Variants in GPHN observed in about 807,000 individuals in gnomAD.
GPHN encodes the protein gephyrin.
GPHN carries 17 observed loss-of-function variants against 95.5 expected under a neutral mutation model. The observed-to-expected ratio is 0.18, with a 90% CI of 0.12 to 0.27. The LOEUF is 0.27. GPHN is among the 10% of genes least tolerant of loss of function. GPHN has a pLI of 1.00. For synonymous variants in GPHN, 320 were observed against 322.5 expected (o/e 0.99, Z 0.08); for missense variants, 660 against 978.1 (o/e 0.67, Z 4.34).
At chr14:67,648,326 C>T in the GPHN span, 2 of 888,386 alleles carry the variant, frequency 2.3e-6, no homozygotes, top group Non-Finnish European at 3.3e-6. Context: ...AATTATATGG[C>T]CATGCTAATA....
the GPHN span, chr14:67,691,263 G>A: frequency 5.0e-6 from 8 of 1,587,026 alleles, no homozygotes; most frequent in Non-Finnish European, 6.9e-6. Flanking sequence ...ACAAGACGAT[G>A]GAGCGTGGAA....
chr14:67,264,246 A>G, the GPHN span, among the ~76,000 whole-genome samples: 113 of 152,350 alleles, frequency 7.4e-4, 1 homozygote, highest in Admixed American at 6.9e-3. Context: ...TGACAGTGGT[A>G]TTTAAATTTG....
chr14:67,641,679 C>G, the GPHN span, among the ~76,000 whole-genome samples: 1 of 152,160 alleles, frequency 6.6e-6, no homozygotes, highest in African/African-American at 2.4e-5. Context: ...GTGGCTCATG[C>G]CCATAATCCC....
At chr14:67,388,081 T>C in the GPHN span, 1 of 596,012 alleles carries the variant, frequency 1.7e-6, no homozygotes, top group Non-Finnish European at 3.0e-6. Context: ...AATTCTGAAA[T>C]TCACTTCAAA....
At chr14:67,576,275 A>G in the GPHN span, 6 of 640,168 alleles carry the variant, frequency 9.4e-6, no homozygotes, top group Non-Finnish European at 1.6e-5. The surrounding 1 kb of genome is among the most constrained non-coding windows in gnomAD (Gnocchi z 4.0). Flanking sequence ...GCCCTGACTC[A>G]TGCCAACCAA....
chr14:67,134,953 C>CTTCTTTTTTTTTTTTTTT (rs573340363), intron 17 of GPHN, among the ~76,000 whole-genome samples: 7 of 45,252 alleles, frequency 1.5e-4, no homozygotes, highest in Non-Finnish European at 2.5e-4. Flanking sequence ...TTTCTTTCTT[C>CTTCTTTTTTTTTTTTTTT]TTTTTTTTTT....
intron 1 of GPHN, among the ~76,000 whole-genome samples, chr14:66,541,174 CT>C (rs2059340866): frequency 1.3e-5 from 2 of 152,284 alleles, no homozygotes; most frequent in Admixed American, 1.3e-4. Flanking sequence ...TCTTGAATTC[CT>C]GGCTTCAAGC....
At chr14:67,513,868 G>T in the GPHN span, among the ~76,000 whole-genome samples, 1 of 152,162 alleles carries the variant, frequency 6.6e-6, no homozygotes, top group Non-Finnish European at 1.5e-5. Context: ...AGAACTGAAG[G>T]CACCTTGTTC....
At chr14:66,795,651 C>T (rs1192862361) in intron 3 of GPHN, among the ~76,000 whole-genome samples, 7 of 151,946 alleles carry the variant, frequency 4.6e-5, no homozygotes, top group Admixed American at 3.9e-4. Flanking sequence ...ATAATAATCA[C>T]TTTTACCATT....
At chr14:66,699,220 G>A (rs1472127740) in intron 2 of GPHN, among the ~76,000 whole-genome samples, 3 of 152,118 alleles carry the variant, frequency 2.0e-5, no homozygotes, top group Non-Finnish European at 2.9e-5. Context: ...AGTCTTAAAA[G>A]GGATAGCATT....
intron 1 of GPHN, among the ~76,000 whole-genome samples, chr14:66,556,414 G>A (rs1289344488): frequency 1.3e-5 from 2 of 152,104 alleles, no homozygotes; most frequent in Non-Finnish European, 2.9e-5. Flanking sequence ...AAGAGATGTC[G>A]TTAATGGTTT....
At chr14:67,213,321 C>A in the GPHN span, among the ~76,000 whole-genome samples, 1 of 115,016 alleles carries the variant, frequency 8.7e-6, no homozygotes, top group Admixed American at 1.0e-4. Flanking sequence ...CCCCTCCCCC[C>A]ACCCCACAAC....
At chr14:67,426,995 G>T in the GPHN span, among the ~76,000 whole-genome samples, 2 of 152,130 alleles carry the variant, frequency 1.3e-5, no homozygotes, top group East Asian at 3.9e-4. Context: ...TCTTCCCTCT[G>T]CCCACTGGGA....
rs868592649 is a variant in GPHN at position 66,621,351 on chromosome 14, G to A, written c.65-59756G>A. The stretch of plus-strand genomic sequence containing the variant: ...AGGATGGTCTCTATCTCCTGACCTC[G>A]TGATCCACCTGCCTCGGCCTCCCAA... On this transcript the variant is annotated intron_variant, in intron 1 of 22. Coordinates refer to ENST00000478722, the MANE Select transcript of GPHN (RefSeq NM_020806.5). Among the ~76,000 whole-genome samples, 15 of 148,752 alleles carry A rather than the reference G, an allele frequency of 1.0e-4. 1 individual carries two copies. Among genetic ancestry groups the A allele is most frequent in the Middle Eastern group, 7.4e-3 (2 of 272 alleles).
intron 5 of GPHN, among the ~76,000 whole-genome samples, chr14:66,881,879 T>C (rs2063945036): frequency 6.6e-6 from 1 of 151,850 alleles, no homozygotes; most frequent in Admixed American, 6.6e-5. Context: ...TGGGAGCACC[T>C]TCTGGCTTTT....
intron 18 of GPHN, among the ~76,000 whole-genome samples, chr14:67,149,978 A>G (rs548968390): frequency 6.6e-6 from 1 of 152,294 alleles, no homozygotes; most frequent in African/African-American, 2.4e-5. Context: ...TAAAAAGCTA[A>G]TAACTTAAAA....
the GPHN span, among the ~76,000 whole-genome samples, chr14:67,227,226 G>T: frequency 6.6e-6 from 1 of 151,992 alleles, no homozygotes; most frequent in Non-Finnish European, 1.5e-5. Flanking sequence ...TGGATCACGA[G>T]GTCAGGAGTT....
At chr14:67,447,227 A>G in the GPHN span, 1 of 152,120 alleles carries the variant, frequency 6.6e-6, no homozygotes, top group African/African-American at 2.4e-5. Flanking sequence ...ACATGGTGAG[A>G]TGAGGGGATC....
intron 17 of GPHN, among the ~76,000 whole-genome samples, chr14:67,140,629 A>G (rs2080399165): frequency 1.3e-5 from 2 of 152,212 alleles, no homozygotes; most frequent in Non-Finnish European, 2.9e-5. Context: ...TGTTGATAGT[A>G]TTCATTACCC....
Sources: gnomAD v4.1 joint callset for allele counts (sites outside exome capture counted in the v4.1 genomes callset) on GRCh38, gnomAD v4.1.1 for gene constraint, Gnocchi (gnomAD v3.1) non-coding constraint, MANE v1.5 for transcripts, NCBI Gene and HGNC (gene_info 2026-07-23, HGNC 2026-07-21) for gene names.